The following EBF2 variants were observed in gnomAD, a reference collection of about 807,000 sequenced individuals.
The protein encoded by EBF2 is transcription factor COE2.
In EBF2, 21 loss-of-function variants were observed where a neutral mutation model predicts 72.8. That is an observed-to-expected ratio of 0.29 (90% CI 0.20 to 0.42). The LOEUF is 0.42. EBF2 is among the 10% of genes least tolerant of loss of function. EBF2 has a pLI of 1.00. For missense variants in EBF2, 637 were observed against 731.2 expected (o/e 0.87, Z 1.49); for synonymous variants, 299 against 274.2 (o/e 1.09, Z -0.89).
At chr8:26,000,959 T>C (rs948878899) in intron 6 of EBF2, among the ~76,000 whole-genome samples, 2 of 151,946 alleles carry the variant, frequency 1.3e-5, no homozygotes, top group African/African-American at 2.4e-5. Context: ...AGAGTGGAGG[T>C]TGGCGCAAAA....
chr8:25,895,054 A>C (rs1585185613), intron 7 of EBF2, among the ~76,000 whole-genome samples: 2 of 152,312 alleles, frequency 1.3e-5, no homozygotes, highest in East Asian at 1.9e-4. Flanking sequence ...CCAATTAGGA[A>C]TACAGATGTC....
intron 6 of EBF2, among the ~76,000 whole-genome samples, chr8:25,997,424 A>G (rs1218986490): frequency 6.6e-6 from 1 of 152,076 alleles, no homozygotes; most frequent in Admixed American, 6.5e-5. Flanking sequence ...TACAAAAATT[A>G]ACCAAGCATG....
chr8:25,958,868 T>A (rs1435382803), intron 6 of EBF2, among the ~76,000 whole-genome samples: 4 of 152,236 alleles, frequency 2.6e-5, no homozygotes, highest in Non-Finnish European at 5.9e-5. Flanking sequence ...TTTGGTAGAA[T>A]CTGAAGTAGC....
intron 7 of EBF2, 32 bp from the exon 8 acceptor site, chr8:25,889,901 G>T (rs542118974): frequency 3.2e-6 from 5 of 1,580,552 alleles, no homozygotes; most frequent in Non-Finnish European, 4.3e-6. Flanking sequence ...GAGAAAGGGG[G>T]TGCAGTGGAA....
intron 6 of EBF2, among the ~76,000 whole-genome samples, chr8:25,989,647 CAAGTAGTTT>C (rs1347064443): frequency 1.3e-5 from 2 of 152,182 alleles, no homozygotes; most frequent in Non-Finnish European, 2.9e-5. Flanking sequence ...CCCACATTTA[CAAGTAGTTT>C]AAATTTCTGA....
chr8:25,991,666 T>C (rs1804546856), intron 6 of EBF2, among the ~76,000 whole-genome samples: 1 of 152,074 alleles, frequency 6.6e-6, no homozygotes, highest in Admixed American at 6.5e-5. Context: ...GCCAACATGG[T>C]GAAACTCCAT....
chr8:25,887,069 ATCTG>A (rs1349637492), intron 9 of EBF2, among the ~76,000 whole-genome samples, 188 bp from the exon 10 acceptor site: 1 of 151,362 alleles, frequency 6.6e-6, no homozygotes, highest in Non-Finnish European at 1.5e-5. Flanking sequence ...GTCTCTGTGT[ATCTG>A]TCTGTCTCTG....
At chr8:25,910,143 G>A (rs974745319) in intron 6 of EBF2, among the ~76,000 whole-genome samples, 1 of 152,162 alleles carries the variant, frequency 6.6e-6, no homozygotes, top group Non-Finnish European at 1.5e-5. Context: ...TCTCTGCCCG[G>A]GTCGTCAGAG....
In EBF2 at chr8:26,042,237, G is replaced by C; in HGVS notation, c.146C>G (p.Ser49Cys). The change falls in exon 2 of 16, where the codon TCC (serine) becomes TGC (cysteine). Residue 49 changes from serine to cysteine, a missense_variant. Ser to Cys is a moderately radical substitution (Grantham distance 112, BLOSUM62 -1). Coordinates refer to ENST00000520164, the MANE Select transcript of EBF2 (RefSeq NM_022659.4). ...AGGCTGTTTCTCAAAGTGGGCCCGGGACAGGGCGACCCCGCTGCACAGGGA... is the reference window on the plus strand; with the variant it reads ...AGGCTGTTTCTCAAAGTGGGCCCGGCACAGGGCGACCCCGCTGCACAGGGA... ...NVAAQSGVALSRAHFEKQPPS... is the reference protein window; with the variant it reads ...NVAAQSGVALCRAHFEKQPPS... The C allele has an allele frequency of 1.5e-5, 24 of 1,613,742 alleles. No individual in the cohort carries two copies. Among genetic ancestry groups the C allele is most frequent in the Non-Finnish European group, 2.0e-5 (24 of 1,179,784 alleles).
In EBF2 at chr8:25,924,058, G is replaced by C. The variant is rs143428014; in HGVS notation, c.552-15503C>G. Among the ~76,000 whole-genome samples, 92 of 152,300 alleles carry C rather than the reference G, an allele frequency of 6.0e-4. 2 individuals are homozygous for C. The East Asian group carries it at 0.01, about 17-fold the overall frequency. ...GTAATGTAGGAGGCAGTGTGACCTA[G>C]AGGATAAAACTTAAGAGGAAGGCAC... On this transcript the variant is annotated intron_variant, in intron 6 of 15. Coordinates refer to ENST00000520164, the MANE Select transcript of EBF2 (RefSeq NM_022659.4).
chr8:25,908,335 C>A, intron 7 of EBF2, 139 bp downstream of exon 7: 4 of 654,780 alleles, frequency 6.1e-6, no homozygotes, highest in Non-Finnish European at 1.0e-5. Context: ...GGCTGAGGGT[C>A]ATCGTTTACC....
At chr8:26,016,873 A>G (rs555674438) in intron 6 of EBF2, among the ~76,000 whole-genome samples, 57 of 152,370 alleles carry the variant, frequency 3.7e-4, no homozygotes, top group Non-Finnish European at 5.7e-4. Flanking sequence ...TTTAGACAAG[A>G]TGTCATGTGG....
chr8:25,891,727 G>A (rs1230653280), intron 7 of EBF2, among the ~76,000 whole-genome samples: 2 of 151,930 alleles, frequency 1.3e-5, no homozygotes, highest in African/African-American at 4.8e-5. Flanking sequence ...ACAGATGCCT[G>A]CCACCATGCT....
At chr8:25,953,126 C>G (rs756159233) in intron 6 of EBF2, among the ~76,000 whole-genome samples, 3 of 152,202 alleles carry the variant, frequency 2.0e-5, no homozygotes, top group Non-Finnish European at 2.9e-5. Flanking sequence ...TGTTCTGTGC[C>G]TCCATGAGAC....
At chr8:25,882,850 G>T (rs1209622798) in intron 10 of EBF2, among the ~76,000 whole-genome samples, 1 of 152,234 alleles carries the variant, frequency 6.6e-6, no homozygotes, top group Non-Finnish European at 1.5e-5. Context: ...AATAGCCTGA[G>T]CATAGAGCTC....
Position 25,862,722 on chromosome 8 carries a change from T to C in EBF2, c.1085A>G (p.Glu362Gly), listed in dbSNP as rs1408515397. The C allele has an allele frequency of 6.3e-7, 1 of 1,597,172 alleles. No individual in the cohort carries two copies. Among genetic ancestry groups the C allele is most frequent in the Non-Finnish European group, 8.5e-7 (1 of 1,170,578 alleles). Residue 362 changes from glutamate to glycine, a missense_variant, in exon 11 of 16, where the codon GAG (glutamate) becomes GGG (glycine). Transcript: ENST00000520164. ...KVIPRHPGDP[E>G]RLAKEMLLKR... ...AAAGCACATTACCTTAGCTAATCTC[T>C]CAGGATCTCCAGGATGCCTAGGGAT... is the stretch of plus-strand genomic sequence containing the variant.
intron 6 of EBF2, among the ~76,000 whole-genome samples, chr8:25,967,555 A>T (rs1804133962): frequency 1.3e-5 from 2 of 152,246 alleles, no homozygotes; most frequent in African/African-American, 4.8e-5. Context: ...TTTATTGAAT[A>T]CTGTACTGAA....
At chr8:26,010,167 C>T (rs1804953288) in intron 6 of EBF2, among the ~76,000 whole-genome samples, 1 of 152,210 alleles carries the variant, frequency 6.6e-6, no homozygotes, top group Non-Finnish European at 1.5e-5. Context: ...GAAGGGGAAA[C>T]CCAATATTAG....
At chr8:25,911,276 A>G (rs1803125003) in intron 6 of EBF2, among the ~76,000 whole-genome samples, 1 of 152,204 alleles carries the variant, frequency 6.6e-6, no homozygotes, top group South Asian at 2.1e-4. Context: ...TCAGGATGAA[A>G]TCTATTTCCA....
Sources: gnomAD v4.1 joint callset for allele counts (sites outside exome capture counted in the v4.1 genomes callset) on GRCh38, gnomAD v4.1.1 for gene constraint, MANE v1.5 for transcripts, NCBI Gene and HGNC (gene_info 2026-07-23, HGNC 2026-07-21) for gene names.